Variants in TUBA4B observed in about 807,000 individuals in gnomAD.
The protein encoded by TUBA4B is tubulin-like protein alpha-4B.
Under a neutral mutation model 18.4 loss-of-function variants are expected in TUBA4B, and 13 were observed. That is an observed-to-expected ratio of 0.71 (90% CI 0.46 to 1.12). TUBA4B has a LOEUF of 1.12. Among genes scored for constraint, TUBA4B ranks in the 50% most tolerant of loss-of-function variants. The pLI, the probability that TUBA4B is intolerant of heterozygous loss-of-function variation, is 0.00. For missense variants in TUBA4B, 244 were observed against 250.0 expected (o/e 0.98, Z 0.16); for synonymous variants, 101 against 99.1 (o/e 1.02, Z -0.11).
chr2:219,253,445 G>T, intron 1 of TUBA4B, 26 bp downstream of exon 1: 1 of 1,483,426 alleles, frequency 6.7e-7, no homozygotes, highest in Non-Finnish European at 9.1e-7. Flanking sequence ...CCACCTTCTA[G>T]CGCCAAGCAC....
At chr2:219,263,478 A>G (rs1951771410) in intron 1 of TUBA4B, among the ~76,000 whole-genome samples, 1 of 152,216 alleles carries the variant, frequency 6.6e-6, no homozygotes, top group African/African-American at 2.4e-5. Context: ...TCTGCTTTAC[A>G]TAAGACAGCT....
At position 219,271,203 on chromosome 2, in the gene TUBA4B, T is replaced by C; in HGVS notation, c.230T>C (p.Phe77Ser). ...ACAGGACTTCAGGGCTTCCTGGTGT[T>C]CCACAGCCTTGGTCGGGGCACTGGC... Reference protein sequence around the residue: ...QCTGLQGFLVFHSLGRGTGSD... With the variant: ...QCTGLQGFLVSHSLGRGTGSD... Residue 77 changes from phenylalanine to serine, a missense_variant, in exon 4 of 4, where the codon TTC becomes TCC. Coordinates refer to ENST00000490341, the MANE Select transcript of TUBA4B (RefSeq NM_001355221.1). 9.1e-7 allele frequency: 1 copy of C among 1,097,900 alleles called. No homozygotes were observed. Among genetic ancestry groups the C allele is most frequent in the Non-Finnish European group, 1.4e-6 (1 of 709,542 alleles). 68.0% of individuals were successfully genotyped at this position (1,097,900 alleles called of 1,614,324 possible).
intron 1 of TUBA4B, among the ~76,000 whole-genome samples, chr2:219,259,467 G>A (rs1267039451): frequency 6.6e-6 from 1 of 152,126 alleles, no homozygotes; most frequent in Non-Finnish European, 1.5e-5. Context: ...AACTCTGGGT[G>A]AGTATGCAGG....
intron 1 of TUBA4B, among the ~76,000 whole-genome samples, chr2:219,265,265 T>G (rs957209012): frequency 6.6e-6 from 1 of 152,220 alleles, no homozygotes; most frequent in Non-Finnish European, 1.5e-5. Context: ...TCCTTCATCC[T>G]GGGAAAGGGA....
rs1476543244 is a variant in TUBA4B, at chr2:219,253,291, G to A, written c.-117G>A. Reference sequence around the variant, plus strand: ...GGCTTCGGCTGGAGAGGGCCAGCTCGCTTCAGGAGGCCGAACCCCGTTCCC... The same window carrying A: ...GGCTTCGGCTGGAGAGGGCCAGCTCACTTCAGGAGGCCGAACCCCGTTCCC... On this transcript the variant is annotated 5_prime_UTR_variant, in exon 1 of 4. Transcript: ENST00000490341. 1.3e-6 allele frequency: 2 copies of A among 1,507,068 alleles called. No homozygotes were observed. Among genetic ancestry groups the A allele is most frequent in the African/African-American group, 2.8e-5 (2 of 71,148 alleles). 93.4% of individuals were successfully genotyped at this position (1,507,068 alleles called of 1,614,324 possible). A position where few individuals can be genotyped will look rare whatever the true frequency, so the allele number is the denominator to read the frequency against.
In TUBA4B at chr2:219,253,314, C is replaced by T. The variant is rs1366587586; in HGVS notation, c.-94C>T. ...TCGCTTCAGGAGGCCGAACCCCGTT[C>T]CCACCAACCCTCTCAGCTCAGACGC... On this transcript the variant is annotated 5_prime_UTR_variant, in exon 1 of 4. Transcript: ENST00000490341. 4.6e-6 allele frequency: 7 copies of T among 1,523,318 alleles called. No homozygotes were observed. Among genetic ancestry groups the T allele is most frequent in the Non-Finnish European group, 6.1e-6 (7 of 1,140,056 alleles). 94.4% of individuals were successfully genotyped at this position (1,523,318 alleles called of 1,614,324 possible).
chr2:219,253,956 G>GC, intron 1 of TUBA4B: 1 of 1,182,572 alleles, frequency 8.5e-7, no homozygotes, highest in Non-Finnish European at 1.1e-6. Flanking sequence ...TAGGCGGGGG[G>GC]GGGGCGGGGC....
intron 2 of TUBA4B, among the ~76,000 whole-genome samples, chr2:219,269,727 G>A (rs1951813807): frequency 6.8e-6 from 1 of 146,686 alleles, no homozygotes; most frequent in African/African-American, 2.5e-5. Context: ...CTGATGGGCA[G>A]ATGCCCAGTG....
Position 219,253,282 on chromosome 2 carries a change from G to A in TUBA4B, c.-126G>A, listed in dbSNP as rs950895209. ...GCGCACCCGGGCTTCGGCTGGAGAG[G>A]GCCAGCTCGCTTCAGGAGGCCGAAC... On this transcript the variant is annotated 5_prime_UTR_variant, in exon 1 of 4. Coordinates refer to ENST00000490341, the MANE Select transcript of TUBA4B (RefSeq NM_001355221.1). The A allele has an allele frequency of 2.0e-6, 3 of 1,503,290 alleles. No homozygotes were observed. In the African/African-American group the frequency reaches 4.2e-5, roughly 21 times the overall value. 93.1% of individuals were successfully genotyped at this position (1,503,290 alleles called of 1,614,324 possible).
intron 2 of TUBA4B, among the ~76,000 whole-genome samples, chr2:219,267,956 G>A (rs1951800437): frequency 2.0e-5 from 3 of 152,124 alleles, no homozygotes; most frequent in Admixed American, 1.3e-4. Flanking sequence ...TAGTAGTTCT[G>A]GGGGCCAGGA....
intron 1 of TUBA4B, among the ~76,000 whole-genome samples, chr2:219,258,288 G>A (rs1006306875): frequency 6.6e-6 from 1 of 151,664 alleles, no homozygotes; most frequent in East Asian, 1.9e-4. Context: ...ACCATACCTG[G>A]CCTCATTTTG....
At chr2:219,261,873 G>A (rs1951761154) in intron 1 of TUBA4B, among the ~76,000 whole-genome samples, 3 of 152,176 alleles carry the variant, frequency 2.0e-5, no homozygotes, top group African/African-American at 7.2e-5. Flanking sequence ...ATCTTGTAGA[G>A]CTCTCTCCTT....
chr2:219,270,345 G>C lies in TUBA4B; in HGVS notation c.192+10G>C, dbSNP rs1331666558. On this transcript the variant is annotated intron_variant, in intron 3 of 3. Transcript: ENST00000490341. ...CCGGATTCGGAAGCTGGTGAGGAAAGGACTGAGGGCTGGGGCAGGGGGAAT... is the reference window on the plus strand; with the variant it reads ...CCGGATTCGGAAGCTGGTGAGGAAACGACTGAGGGCTGGGGCAGGGGGAAT... 4 of 721,060 alleles carry C rather than the reference G, an allele frequency of 5.5e-6. No individual in the cohort carries two copies. The highest frequency in any genetic ancestry group is 1.9e-5 in the Admixed American group (1 of 51,444). The allele number at this position is 721,060 out of a possible 1,614,324, so 44.7% of individuals were successfully genotyped here. A position where few individuals can be genotyped will look rare whatever the true frequency, so the allele number is the denominator to read the frequency against.
chr2:219,268,377 G>A (rs1419699192), intron 2 of TUBA4B, among the ~76,000 whole-genome samples: 2 of 152,158 alleles, frequency 1.3e-5, no homozygotes, highest in Admixed American at 1.3e-4. Context: ...TTACAGGCTT[G>A]AGCCACTGCG....
At position 219,266,507 on chromosome 2, in the gene TUBA4B, TCACTATCCTG is replaced by T. The variant is rs1951790516; in HGVS notation, c.13-11_13-2del. The stretch of plus-strand genomic sequence containing the variant: ...AGGCCTCTCACAGATCTATCCCTGC[TCACTATCCTG>T]CAGCAGACAGAGAGACAAGACCCCA... On this transcript the variant is annotated splice_region_variant and splice_polypyrimidine_tract_variant and intron_variant, in intron 1 of 3. Transcript: ENST00000490341. The T allele has an allele frequency of 2.8e-6, 2 of 702,908 alleles. No individual in the cohort carries two copies. The highest frequency in any genetic ancestry group is 5.2e-6 in the Non-Finnish European group (2 of 384,956). The allele number at this position is 702,908 out of a possible 1,614,324, so 43.5% of individuals were successfully genotyped here.
At chr2:219,267,456 T>C (rs903559999) in intron 2 of TUBA4B, among the ~76,000 whole-genome samples, 2 of 152,226 alleles carry the variant, frequency 1.3e-5, no homozygotes, top group African/African-American at 2.4e-5. Context: ...TATGAGATTC[T>C]TCTCTTTCTA....
At chr2:219,253,496 G>C in intron 1 of TUBA4B, 77 bp downstream of exon 1, 1 of 1,216,390 alleles carries the variant, frequency 8.2e-7, no homozygotes, top group Non-Finnish European at 1.2e-6. Flanking sequence ...GGGGATGTAA[G>C]AGGGCAGCCA....
chr2:219,263,799 G>C (rs1660429215), intron 1 of TUBA4B, among the ~76,000 whole-genome samples: 1 of 152,224 alleles, frequency 6.6e-6, no homozygotes, highest in Non-Finnish European at 1.5e-5. Context: ...GCCAAAGCCA[G>C]AGTTAACCAA....
At chr2:219,264,761 T>C (rs1277366503) in intron 1 of TUBA4B, among the ~76,000 whole-genome samples, 1 of 152,186 alleles carries the variant, frequency 6.6e-6, no homozygotes, top group Non-Finnish European at 1.5e-5. Flanking sequence ...ACATTGTGTT[T>C]TTCTGGAACC....
Sources: allele counts gnomAD v4.1 joint callset (sites outside exome capture counted in the v4.1 genomes callset), GRCh38; gene constraint gnomAD v4.1.1; transcripts MANE v1.5; gene names NCBI Gene and HGNC (gene_info 2026-07-23, HGNC 2026-07-21).